Variants in SNX25 observed in about 807,000 individuals in gnomAD.
The protein encoded by SNX25 is sorting nexin 25, also known as sorting nexin-25.
In SNX25, 62 loss-of-function variants were observed where a neutral mutation model predicts 113.7. The ratio of observed to expected loss-of-function variants is 0.55; its 90% confidence interval spans 0.44 to 0.67. The LOEUF is 0.67. Ranked by LOEUF, SNX25 falls within the 30% of genes least tolerant of loss-of-function variation. The pLI, the probability that SNX25 is intolerant of heterozygous loss-of-function variation, is 0.00. For synonymous variants in SNX25, 421 were observed against 436.2 expected (o/e 0.97, Z 0.43); for missense variants, 1,014 against 1,161.0 (o/e 0.87, Z 1.84).
chr4:185,340,624 A>G (rs1370467112), intron 11 of SNX25, among the ~76,000 whole-genome samples: 1 of 152,204 alleles, frequency 6.6e-6, no homozygotes, highest in Non-Finnish European at 1.5e-5. Flanking sequence ...AAGCTGCTAC[A>G]AGAGGCTGCT....
At chr4:185,328,883 G>A (rs2095174962) in intron 9 of SNX25, among the ~76,000 whole-genome samples, 1 of 152,126 alleles carries the variant, frequency 6.6e-6, no homozygotes, top group Admixed American at 6.5e-5. Flanking sequence ...GAAGGCTTGG[G>A]GGCAGGAGGG....
At position 185,210,895 on chromosome 4, in the gene SNX25, A is replaced by G. The variant is rs1266199823; in HGVS notation, c.429+640A>G. On this transcript the variant is annotated intron_variant, in intron 1 of 18. Transcript: ENST00000652585. This position sits in a 1 kb window ranked among gnomAD's most constrained non-coding sequence, Gnocchi z 4.4. ...CATCCTCAGCGCGCTGTGGGACACT[A>G]GGGCGGGGGTTAGGGAATGTAGGAA... Among the ~76,000 whole-genome samples the G allele has an allele frequency of 1.3e-5, 2 of 152,142 alleles. No individual in the cohort carries two copies. The highest frequency in any genetic ancestry group is 1.9e-4 in the East Asian group (1 of 5,170).
At chr4:185,288,733 C>T (rs556594938) in intron 6 of SNX25, among the ~76,000 whole-genome samples, 3 of 152,120 alleles carry the variant, frequency 2.0e-5, no homozygotes, top group Non-Finnish European at 2.9e-5. Context: ...GAGGATGGCT[C>T]TCAACTCCCT....
At chr4:185,216,275 T>G (rs1738792583) in intron 1 of SNX25, among the ~76,000 whole-genome samples, 1 of 152,078 alleles carries the variant, frequency 6.6e-6, no homozygotes, top group Admixed American at 6.5e-5. Flanking sequence ...ACACATGTAT[T>G]CAAAAGGAGA....
intron 10 of SNX25, among the ~76,000 whole-genome samples, chr4:185,336,938 T>C (rs1389977142): frequency 6.6e-6 from 1 of 152,240 alleles, no homozygotes; most frequent in African/African-American, 2.4e-5. Flanking sequence ...TTTCATATGC[T>C]TGTTGGCCAT....
rs141929383 is a variant in SNX25 at position 185,256,125 on chromosome 4, G to A, written c.515-2723G>A. On this transcript the variant is annotated intron_variant, in intron 2 of 18. Coordinates refer to ENST00000652585, the MANE Select transcript of SNX25 (RefSeq NM_001378034.2). ...TTTTGTGTCCAGTGCTTAGTGATAC[G>A]GATATTGATTCCACCTTACAGACTA... 6.8e-3 allele frequency among the ~76,000 whole-genome samples: 1,037 copies of A among 152,186 alleles called. 38 individuals are homozygous for A. Among genetic ancestry groups the A allele is most frequent in the Admixed American group, 0.061 (925 of 15,286 alleles).
intron 15 of SNX25, among the ~76,000 whole-genome samples, chr4:185,356,422 A>G (rs1481917060): frequency 6.6e-6 from 1 of 152,156 alleles, no homozygotes; most frequent in Non-Finnish European, 1.5e-5. Flanking sequence ...AGTTATCATC[A>G]CTGATAGACA....
chr4:185,347,571 A>G (rs940237626), intron 13 of SNX25, among the ~76,000 whole-genome samples: 2 of 152,030 alleles, frequency 1.3e-5, no homozygotes, highest in South Asian at 4.2e-4. Flanking sequence ...CCCGGGTTCA[A>G]GTGATTCTCC....
At chr4:185,329,987 A>G (rs2095183055) in intron 9 of SNX25, among the ~76,000 whole-genome samples, 1 of 152,156 alleles carries the variant, frequency 6.6e-6, no homozygotes, top group Non-Finnish European at 1.5e-5. Flanking sequence ...CTCTATCCCC[A>G]ACACCCATCC....
chr4:185,371,096 C>T (rs568253811), downstream of SNX25: 1 of 300,144 alleles, frequency 3.3e-6, no homozygotes, highest in Non-Finnish European at 6.3e-6. Context: ...AATATTACTA[C>T]TGGAAGTTTA....
At chr4:185,338,131 C>A (rs2095241350) in intron 10 of SNX25, among the ~76,000 whole-genome samples, 1 of 151,994 alleles carries the variant, frequency 6.6e-6, no homozygotes, top group African/African-American at 2.4e-5. Flanking sequence ...TTTACTATAT[C>A]AATAGTGTTC....
intron 7 of SNX25, among the ~76,000 whole-genome samples, chr4:185,312,715 C>T (rs897931177): frequency 6.6e-6 from 1 of 152,024 alleles, no homozygotes; most frequent in African/African-American, 2.4e-5. Context: ...TTAGTAGAGA[C>T]GCGGTTTCAC....
the SNX25 span, chr4:185,376,947 G>C: frequency 1.4e-5 from 23 of 1,613,682 alleles, no homozygotes; most frequent in Non-Finnish European, 1.9e-5. Flanking sequence ...AAATATGCCA[G>C]AGTGTCTCCT....
At chr4:185,286,299 A>G (rs1296255200) in intron 5 of SNX25, among the ~76,000 whole-genome samples, 1 of 151,914 alleles carries the variant, frequency 6.6e-6, no homozygotes, top group Non-Finnish European at 1.5e-5. Context: ...AATTTTTTGT[A>G]GAGATGAGAT....
the SNX25 span, chr4:185,377,284 C>T: frequency 2.6e-5 from 9 of 348,592 alleles, no homozygotes; most frequent in South Asian, 1.6e-4. Context: ...TCTGGGAGGC[C>T]GAGGCGGGTG....
rs144672844 is a variant in SNX25, at chr4:185,347,978, T to A, written c.2301+1328T>A. Among the ~76,000 whole-genome samples the A allele has an allele frequency of 1.5e-3, 225 of 152,370 alleles. 4 individuals are homozygous for A. The highest frequency in any genetic ancestry group is 5.2e-3 in the African/African-American group (216 of 41,588). On this transcript the variant is annotated intron_variant, in intron 13 of 18. Coordinates refer to ENST00000652585, the MANE Select transcript of SNX25 (RefSeq NM_001378034.2). ...ATTTAGCCCACTTTATCATTTTTTT[T>A]ATCTTATGGTTAATGCCTTTTGCAC... is the stretch of plus-strand genomic sequence containing the variant.
intron 5 of SNX25, among the ~76,000 whole-genome samples, chr4:185,282,605 G>T (rs1393022958): frequency 1.3e-5 from 2 of 152,216 alleles, no homozygotes; most frequent in African/African-American, 4.8e-5. Context: ...AAAGAGAGAT[G>T]AGGTGGCCAC....
In SNX25 at chr4:185,339,522, T is replaced by C; in HGVS notation, c.2046+12T>C. ...TCACCAGTGGAGAGGTAGTTTTGAC[T>C]GCTTTTCCTCTTAATTTATTTTAAA... On this transcript the variant is annotated intron_variant, in intron 11 of 18. Transcript: ENST00000652585. The C allele has an allele frequency of 1.2e-6, 2 of 1,600,896 alleles. No individual in the cohort carries two copies. Among genetic ancestry groups the C allele is most frequent in the Non-Finnish European group, 1.7e-6 (2 of 1,175,694 alleles).
chr4:185,373,358 C>T (rs2095422355), downstream of SNX25, among the ~76,000 whole-genome samples: 1 of 152,110 alleles, frequency 6.6e-6, no homozygotes, highest in South Asian at 2.1e-4. Flanking sequence ...ATTTGGGGAT[C>T]TTCAGAGTAA....
Sources: allele counts gnomAD v4.1 joint callset (sites outside exome capture counted in the v4.1 genomes callset), GRCh38; gene constraint gnomAD v4.1.1; non-coding constraint Gnocchi (gnomAD v3.1); transcripts MANE v1.5; gene names NCBI Gene and HGNC (gene_info 2026-07-23, HGNC 2026-07-21).